The following SRSF4 variants were observed in gnomAD, a reference collection of about 807,000 sequenced individuals.
SRSF4 encodes the protein serine/arginine-rich splicing factor 4.
SRSF4 carries 12 observed loss-of-function variants against 48.8 expected under a neutral mutation model. The ratio of observed to expected loss-of-function variants is 0.25; its 90% confidence interval spans 0.16 to 0.40. The LOEUF is 0.40. Among genes scored for constraint, SRSF4 ranks in the 10% least tolerant of loss-of-function variants. The pLI is 1.00. For missense variants in SRSF4, 466 were observed against 667.1 expected, an observed-to-expected ratio of 0.70 and a Z score of 3.32; for synonymous variants, 248 against 232.5, an observed-to-expected ratio of 1.07 and a Z score of -0.61.
rs1672330800 is a variant in SRSF4 at position 29,147,982 on chromosome 1, A to G, written c.*428T>C. 1 of 432,306 alleles carries G rather than the reference A, an allele frequency of 2.3e-6. No homozygotes were observed. The highest frequency in any genetic ancestry group is 4.7e-6 in the Non-Finnish European group (1 of 212,602). The allele number at this position is 432,306 out of a possible 1,614,324, so 26.8% of individuals were successfully genotyped here. Reference sequence around the variant, plus strand: ...TTGTTAAGTCCAAAAATATGAAACCAAAGTGGTAGGAAACTTAAGACTTAG... The same window carrying G: ...TTGTTAAGTCCAAAAATATGAAACCGAAGTGGTAGGAAACTTAAGACTTAG... On this transcript the variant is annotated 3_prime_UTR_variant, in exon 6 of 6. Coordinates refer to ENST00000373795, the MANE Select transcript of SRSF4 (RefSeq NM_005626.5).
intron 1 of SRSF4, among the ~76,000 whole-genome samples, chr1:29,177,014 T>C (rs1364569614): frequency 1.3e-5 from 2 of 152,188 alleles, no homozygotes; most frequent in Non-Finnish European, 2.9e-5. Flanking sequence ...GTGGTAAGTT[T>C]TACTCATTAA....
intron 2 of SRSF4, chr1:29,159,771 G>T: frequency 4.3e-6 from 1 of 229,976 alleles, no homozygotes; most frequent in Admixed American, 5.2e-5. Flanking sequence ...TTAGAAATAA[G>T]TAACCAAATT....
At chr1:29,175,833 CTCT>C (rs1312719910) in intron 1 of SRSF4, among the ~76,000 whole-genome samples, 3 of 151,272 alleles carry the variant, frequency 2.0e-5, no homozygotes, top group Non-Finnish European at 2.9e-5. Flanking sequence ...TTGTTTTAAC[CTCT>C]TCTTAGATAA....
chr1:29,174,887 T>C (rs1558393591), intron 1 of SRSF4, among the ~76,000 whole-genome samples: 1 of 151,210 alleles, frequency 6.6e-6, no homozygotes, highest in African/African-American at 2.4e-5. Context: ...TTGGCCAGGA[T>C]GGTCTCAATC....
intron 5 of SRSF4, 35 bp downstream of exon 5, chr1:29,150,068 G>A: frequency 6.4e-7 from 1 of 1,561,526 alleles, no homozygotes; most frequent in Non-Finnish European, 8.8e-7. Context: ...GGCATTCCCT[G>A]CTGACCACCT....
At chr1:29,151,879 G>C (rs1425928451) in intron 4 of SRSF4, among the ~76,000 whole-genome samples, 2 of 152,208 alleles carry the variant, frequency 1.3e-5, no homozygotes, top group Non-Finnish European at 2.9e-5. Flanking sequence ...TACAAAGAGA[G>C]AAAAGGCAAA....
Position 29,174,749 on chromosome 1 carries a change from T to C in SRSF4, c.107+6897A>G, listed in dbSNP as rs560029997. On this transcript the variant is annotated intron_variant, in intron 1 of 5. Coordinates refer to ENST00000373795, the MANE Select transcript of SRSF4 (RefSeq NM_005626.5). Reference sequence around the variant, plus strand: ...AGTGCAGTGGCCCGATCTAGGCTCATTGCAACCTCCACTTCCTGGGTTCAA... The same window carrying C: ...AGTGCAGTGGCCCGATCTAGGCTCACTGCAACCTCCACTTCCTGGGTTCAA... Among the ~76,000 whole-genome samples, 50 of 149,426 alleles carry C rather than the reference T, an allele frequency of 3.3e-4. 1 individual carries two copies. Among genetic ancestry groups the C allele is most frequent in the Non-Finnish European group, 3.6e-4 (24 of 67,460 alleles).
At chr1:29,172,529 T>G (rs1319469116) in intron 1 of SRSF4, 1 of 152,152 alleles carries the variant, frequency 6.6e-6, no homozygotes, top group African/African-American at 2.4e-5. Flanking sequence ...TGACCTCAGG[T>G]GATCCGCCCG....
At chr1:29,160,209 C>T (rs748093858) in intron 2 of SRSF4, 166 bp downstream of exon 2, 2 of 742,948 alleles carry the variant, frequency 2.7e-6, no homozygotes, top group Non-Finnish European at 4.0e-6. Context: ...TAAAATTAAA[C>T]ATTATCAAAG....
chr1:29,157,357 A>C (rs143565336), intron 3 of SRSF4, among the ~76,000 whole-genome samples: 22 of 152,296 alleles, frequency 1.4e-4, no homozygotes, highest in African/African-American at 5.1e-4. Flanking sequence ...CTAAGAAGTT[A>C]ATTTAATATT....
At chr1:29,176,322 CT>C (rs1672852658) in intron 1 of SRSF4, among the ~76,000 whole-genome samples, 1 of 151,960 alleles carries the variant, frequency 6.6e-6, no homozygotes, top group Non-Finnish European at 1.5e-5. Flanking sequence ...AAAGTGTTTG[CT>C]TTTTCTTTTG....
Position 29,148,334 on chromosome 1 carries a change from C to G in SRSF4, c.*76G>C. On this transcript the variant is annotated 3_prime_UTR_variant, in exon 6 of 6. Transcript: ENST00000373795. ...AAATGTACAGCAGTGACATGTTCTA[C>G]TCCAATCACTTGTGCTACGGCTACC... 5 of 1,521,856 alleles carry G rather than the reference C, an allele frequency of 3.3e-6. No individual in the cohort carries two copies. The highest frequency in any genetic ancestry group is 4.5e-6 in the Non-Finnish European group (5 of 1,121,624). 94.3% of individuals were successfully genotyped at this position (1,521,856 alleles called of 1,614,324 possible).
intron 1 of SRSF4, among the ~76,000 whole-genome samples, chr1:29,161,613 T>C (rs888124489): frequency 1.3e-5 from 2 of 152,244 alleles, no homozygotes; most frequent in Non-Finnish European, 2.9e-5. Context: ...ATTTATTTTA[T>C]TTTTTGAGAC....
At chr1:29,181,529 C>G in intron 1 of SRSF4, 117 bp downstream of exon 1, 3 of 892,538 alleles carry the variant, frequency 3.4e-6, no homozygotes, top group Non-Finnish European at 4.8e-6. Context: ...ATGGCGGAGC[C>G]TGGCCAGGCC....
At chr1:29,178,353 C>CTTCTTCTTTTTTTTTT (rs141096220) in intron 1 of SRSF4, among the ~76,000 whole-genome samples, 2 of 127,906 alleles carry the variant, frequency 1.6e-5, no homozygotes, top group East Asian at 4.6e-4. Context: ...GTTTCAATTA[C>CTTCTTCTTTTTTTTTT]TTTTTTTTTT....
Position 29,181,892 on chromosome 1 carries a change from C to T in SRSF4, c.-140G>A, listed in dbSNP as rs1672969997. On this transcript the variant is annotated 5_prime_UTR_variant, in exon 1 of 6. Coordinates refer to ENST00000373795, the MANE Select transcript of SRSF4 (RefSeq NM_005626.5). ...CGCAGCCGAACCCCGGCGACGTACGCGAGCACGCAGCTCGCGAGCGCGCGC... is the reference window on the plus strand; with the variant it reads ...CGCAGCCGAACCCCGGCGACGTACGTGAGCACGCAGCTCGCGAGCGCGCGC... The T allele has an allele frequency of 3.5e-6, 2 of 572,702 alleles. No individual in the cohort carries two copies. Among genetic ancestry groups the T allele is most frequent in the African/African-American group, 2.0e-5 (1 of 50,334 alleles). 35.5% of individuals were successfully genotyped at this position (572,702 alleles called of 1,614,324 possible). A position where few individuals can be genotyped will look rare whatever the true frequency, so the allele number is the denominator to read the frequency against.
intron 1 of SRSF4, chr1:29,173,340 T>A (rs2151823999): frequency 6.6e-6 from 1 of 151,730 alleles, no homozygotes; most frequent in South Asian, 2.1e-4. Flanking sequence ...GAGATAGGGT[T>A]TCACCATGTT....
intron 4 of SRSF4, chr1:29,154,416 T>G: frequency 2.6e-6 from 1 of 381,462 alleles, no homozygotes; most frequent in Non-Finnish European, 4.7e-6. Context: ...AGGCTGGTCT[T>G]GAACTCCTGA....
chr1:29,169,530 G>A lies in SRSF4; in HGVS notation c.108-9013C>T, dbSNP rs1315007846. The A allele has an allele frequency of 2.0e-5, 3 of 152,288 alleles. No individual in the cohort carries two copies. The South Asian group carries it at 6.2e-4, about 32-fold the overall frequency. The allele number at this position is 152,288 out of a possible 1,614,324, so 9.4% of individuals were successfully genotyped here. A position where few individuals can be genotyped will look rare whatever the true frequency, so the allele number is the denominator to read the frequency against. On this transcript the variant is annotated intron_variant, in intron 1 of 5. Coordinates refer to ENST00000373795, the MANE Select transcript of SRSF4 (RefSeq NM_005626.5). ...AGTTGTGAACATTTATTCTCTACAA[G>A]TGGAACCAAACCCATATGCCATCAA...
Sources: allele counts gnomAD v4.1 joint callset (sites outside exome capture counted in the v4.1 genomes callset), GRCh38; gene constraint gnomAD v4.1.1; transcripts MANE v1.5; gene names NCBI Gene and HGNC (gene_info 2026-07-23, HGNC 2026-07-21).